JPH1: variants seen among roughly 807,000 people sequenced by gnomAD.
JPH1 encodes junctophilin 1.
A neutral mutation model predicts 53.6 loss-of-function variants in JPH1; 12 were observed. The ratio of observed to expected loss-of-function variants is 0.22; its 90% CI spans 0.14 to 0.36. JPH1 has a LOEUF of 0.36. Among genes scored for constraint, JPH1 ranks in the 10% least tolerant of loss-of-function variants. JPH1 has a pLI of 1.00. For missense variants in JPH1, 808 were observed against 905.5 expected, an observed-to-expected ratio of 0.89 and a Z score of 1.38; for synonymous variants, 375 against 363.8, an observed-to-expected ratio of 1.03 and a Z score of -0.35.
intron 3 of JPH1, among the ~76,000 whole-genome samples, chr8:74,257,752 A>C (rs1806279803): frequency 6.6e-6 from 1 of 152,118 alleles, no homozygotes; most frequent in Non-Finnish European, 1.5e-5. Context: ...TATATATAAA[A>C]AATGATTTAA....
At chr8:74,266,348 A>T (rs1806531277) in intron 2 of JPH1, among the ~76,000 whole-genome samples, 1 of 152,094 alleles carries the variant, frequency 6.6e-6, no homozygotes, top group Admixed American at 6.5e-5. Flanking sequence ...CTATGCAGTG[A>T]TTATATACAT....
chr8:74,304,182 C>G (rs1331963654), intron 2 of JPH1, among the ~76,000 whole-genome samples: 2 of 152,218 alleles, frequency 1.3e-5, no homozygotes, highest in South Asian at 4.1e-4. Context: ...GCTTTTTCAT[C>G]TGTCCTAACC....
At chr8:74,242,867 A>G (rs1486953831) in intron 4 of JPH1, among the ~76,000 whole-genome samples, 1 of 152,262 alleles carries the variant, frequency 6.6e-6, no homozygotes, top group Non-Finnish European at 1.5e-5. Context: ...CAAATAAGTA[A>G]AACAGATGTT....
Position 74,299,583 on chromosome 8 carries a change from T to C in JPH1, c.1139+15278A>G, listed in dbSNP as rs77747378. ...CTTCAACTACACAGCTGCACTGGAATCTCTGTACCCACTCTGGCTCGGGTG... is the reference window on the plus strand; with the variant it reads ...CTTCAACTACACAGCTGCACTGGAACCTCTGTACCCACTCTGGCTCGGGTG... On this transcript the variant is annotated intron_variant, in intron 2 of 5. Transcript: ENST00000342232. Among the ~76,000 whole-genome samples, 450 of 152,310 alleles carry C rather than the reference T, an allele frequency of 3.0e-3. 18 individuals are homozygous for C. In the East Asian group the frequency reaches 0.075, roughly 25 times the overall value.
At chr8:74,249,354 C>A (rs1276859953) in intron 3 of JPH1, among the ~76,000 whole-genome samples, 11 of 152,134 alleles carry the variant, frequency 7.2e-5, no homozygotes, top group Non-Finnish European at 1.3e-4. Context: ...TTGAAAGAGT[C>A]TAAAAAAATT....
chr8:74,314,398 T>A (rs766099531), intron 2 of JPH1, among the ~76,000 whole-genome samples: 1 of 152,232 alleles, frequency 6.6e-6, no homozygotes, highest in Non-Finnish European at 1.5e-5. Context: ...TAAGTGTACA[T>A]ACCTCCGATG....
intron 3 of JPH1, among the ~76,000 whole-genome samples, chr8:74,258,483 T>C (rs890248279): frequency 4.6e-5 from 7 of 152,248 alleles, no homozygotes; most frequent in Non-Finnish European, 7.3e-5. Context: ...TTTTGTAACA[T>C]CTGAGAGGCA....
intron 2 of JPH1, 138 bp from the exon 3 acceptor site, chr8:74,259,641 C>A (rs367797428): frequency 5.1e-6 from 3 of 590,790 alleles, no homozygotes; most frequent in Non-Finnish European, 5.9e-6. Context: ...ATTTTAGAGT[C>A]CTATTGCCGT....
chr8:74,277,778 T>C (rs1238435659), intron 2 of JPH1, among the ~76,000 whole-genome samples: 3 of 152,188 alleles, frequency 2.0e-5, no homozygotes, highest in Admixed American at 6.5e-5. Flanking sequence ...GGGCAAAGAA[T>C]GAGCATTCAA....
At chr8:74,284,085 G>C (rs776311806) in intron 2 of JPH1, among the ~76,000 whole-genome samples, 4 of 152,164 alleles carry the variant, frequency 2.6e-5, no homozygotes, top group Non-Finnish European at 5.9e-5. Flanking sequence ...GCTGGGGAGG[G>C]CTGTGGTGGT....
chr8:74,269,844 T>C (rs554723754), intron 2 of JPH1, among the ~76,000 whole-genome samples: 9 of 152,256 alleles, frequency 5.9e-5, no homozygotes, highest in South Asian at 2.1e-4. Flanking sequence ...CTGGTGACTA[T>C]GTTGTGAAAA....
At chr8:74,273,403 T>C (rs1401181148) in intron 2 of JPH1, among the ~76,000 whole-genome samples, 1 of 152,192 alleles carries the variant, frequency 6.6e-6, no homozygotes, top group African/African-American at 2.4e-5. Flanking sequence ...CTCTAATGTT[T>C]TTTGGTTGAG....
intron 3 of JPH1, among the ~76,000 whole-genome samples, chr8:74,254,726 C>A (rs530442665): frequency 7.9e-5 from 12 of 152,208 alleles, no homozygotes; most frequent in Non-Finnish European, 1.5e-4. Context: ...GTACAAAAAT[C>A]ACAAGCATTC....
chr8:74,309,939 T>C (rs1392440264), intron 2 of JPH1, among the ~76,000 whole-genome samples: 1 of 152,226 alleles, frequency 6.6e-6, no homozygotes, highest in Non-Finnish European at 1.5e-5. Flanking sequence ...TTCTAGAAAG[T>C]AAATTCAGCA....
chr8:74,243,218 C>T (rs1016533900), intron 4 of JPH1, among the ~76,000 whole-genome samples: 1 of 152,118 alleles, frequency 6.6e-6, no homozygotes, highest in African/African-American at 2.4e-5. Context: ...TTAACAAATT[C>T]AATAGTGATT....
At chr8:74,267,149 T>C (rs1035019678) in intron 2 of JPH1, among the ~76,000 whole-genome samples, 11 of 152,226 alleles carry the variant, frequency 7.2e-5, no homozygotes, top group Non-Finnish European at 1.2e-4. Flanking sequence ...CATAGGCATC[T>C]GTAGTTGGAG....
At chr8:74,297,944 A>AT (rs1198474978) in intron 2 of JPH1, among the ~76,000 whole-genome samples, 1 of 152,208 alleles carries the variant, frequency 6.6e-6, no homozygotes, top group East Asian at 1.9e-4. Flanking sequence ...CTTGTCTAGC[A>AT]TTTTGTCTTA....
At chr8:74,254,063 T>A (rs563195168) in intron 3 of JPH1, among the ~76,000 whole-genome samples, 18 of 152,118 alleles carry the variant, frequency 1.2e-4, no homozygotes, top group Non-Finnish European at 1.8e-4. Context: ...ATCATCCTGA[T>A]ACCAAAGCCA....
chr8:74,289,680 T>C (rs1385200592), intron 2 of JPH1, among the ~76,000 whole-genome samples: 1 of 152,230 alleles, frequency 6.6e-6, no homozygotes, highest in Non-Finnish European at 1.5e-5. Flanking sequence ...CCTTTTGCCC[T>C]TACGAACATT....
Sources: gnomAD v4.1 joint callset for allele counts (sites outside exome capture counted in the v4.1 genomes callset) on GRCh38, gnomAD v4.1.1 for gene constraint, MANE v1.5 for transcripts, NCBI Gene and HGNC (gene_info 2026-07-23, HGNC 2026-07-21) for gene names.